The following GABRB1 variants were observed in gnomAD, a reference collection of about 807,000 sequenced individuals.
GABRB1 encodes the protein gamma-aminobutyric acid receptor subunit beta-1.
In GABRB1, 17 loss-of-function variants were observed where a neutral mutation model predicts 51.6. The observed-to-expected ratio is 0.33, with a 90% CI of 0.23 to 0.49. The LOEUF (loss-of-function observed/expected upper bound fraction) is 0.49. GABRB1 is among the 20% of genes least tolerant of loss of function. GABRB1 has a pLI of 0.99. For missense variants in GABRB1, 410 were observed against 600.6 expected, an observed-to-expected ratio of 0.68 and a Z score of 3.32; for synonymous variants, 247 against 218.9, an observed-to-expected ratio of 1.13 and a Z score of -1.14.
intron 3 of GABRB1, among the ~76,000 whole-genome samples, chr4:47,098,119 T>C (rs947952116): frequency 1.3e-5 from 2 of 151,758 alleles, no homozygotes; most frequent in African/African-American, 4.8e-5. Flanking sequence ...CTGACAACTA[T>C]CAAGGTTCCC....
intron 4 of GABRB1, among the ~76,000 whole-genome samples, chr4:47,216,875 G>T: frequency 6.6e-6 from 1 of 151,848 alleles, no homozygotes; most frequent in Non-Finnish European, 1.5e-5. Context: ...TCTCACACAT[G>T]TGTTTGAAAA....
At chr4:47,179,970 C>T (rs1436041416) in intron 4 of GABRB1, among the ~76,000 whole-genome samples, 1 of 152,038 alleles carries the variant, frequency 6.6e-6, no homozygotes, top group Non-Finnish European at 1.5e-5. Context: ...ATTTAGGAGG[C>T]TGAGGCAGTA....
At chr4:47,187,883 C>T (rs1192799559) in intron 4 of GABRB1, among the ~76,000 whole-genome samples, 3 of 151,918 alleles carry the variant, frequency 2.0e-5, no homozygotes, top group African/African-American at 4.8e-5. Context: ...CCCCTTTACC[C>T]GGAAGGCTCT....
chr4:47,198,454 G>A (rs985115124), intron 4 of GABRB1, among the ~76,000 whole-genome samples: 1 of 152,190 alleles, frequency 6.6e-6, no homozygotes, highest in African/African-American at 2.4e-5. Context: ...AGATGTTACA[G>A]ACTGCTGATG....
intron 1 of GABRB1, among the ~76,000 whole-genome samples, chr4:47,013,081 G>C (rs1724627113): frequency 6.6e-6 from 1 of 152,184 alleles, no homozygotes; most frequent in African/African-American, 2.4e-5. Flanking sequence ...CTATAAATTA[G>C]AGTGCAATGA....
At chr4:47,357,430 G>A (rs990566150) in intron 5 of GABRB1, among the ~76,000 whole-genome samples, 12 of 152,170 alleles carry the variant, frequency 7.9e-5, no homozygotes, top group African/African-American at 2.7e-4. Context: ...GCATTCCTGT[G>A]TCTTATCTGT....
At chr4:47,332,758 C>T (rs1725533127) in intron 5 of GABRB1, among the ~76,000 whole-genome samples, 1 of 151,964 alleles carries the variant, frequency 6.6e-6, no homozygotes, top group African/African-American at 2.4e-5. Flanking sequence ...ACTTTAACCT[C>T]CTCTTTTAAT....
At chr4:47,105,848 A>C (rs1451897451) in intron 3 of GABRB1, among the ~76,000 whole-genome samples, 1 of 151,996 alleles carries the variant, frequency 6.6e-6, no homozygotes, top group African/African-American at 2.4e-5. Context: ...ATTTCTCTTG[A>C]GCTGTATTTC....
chr4:47,166,599 G>C (rs900280800), intron 4 of GABRB1, among the ~76,000 whole-genome samples: 38 of 152,088 alleles, frequency 2.5e-4, no homozygotes, highest in African/African-American at 8.7e-4. Flanking sequence ...TTATTAGTAA[G>C]GTGTTATCAG....
intron 3 of GABRB1, among the ~76,000 whole-genome samples, chr4:47,131,562 A>G (rs1716419627): frequency 6.6e-6 from 1 of 152,116 alleles, no homozygotes; most frequent in Non-Finnish European, 1.5e-5. Context: ...CCAAAACTGC[A>G]ATTTTTTTTT....
intron 4 of GABRB1, among the ~76,000 whole-genome samples, chr4:47,274,246 A>G (rs1259355474): frequency 6.6e-6 from 1 of 152,190 alleles, no homozygotes; most frequent in Non-Finnish European, 1.5e-5. Flanking sequence ...TAGGGATTTT[A>G]TGCAGATTAT....
chr4:47,239,417 T>G (rs559193496), intron 4 of GABRB1, among the ~76,000 whole-genome samples: 1 of 152,196 alleles, frequency 6.6e-6, no homozygotes, highest in East Asian at 1.9e-4. Context: ...TAAATAAATT[T>G]GCTTGTGAAT....
At chr4:47,314,402 A>G (rs1429224162) in intron 4 of GABRB1, among the ~76,000 whole-genome samples, 1 of 152,024 alleles carries the variant, frequency 6.6e-6, no homozygotes, top group Non-Finnish European at 1.5e-5. Flanking sequence ...TGTAAAAGCT[A>G]TTGTAATTCA....
chr4:47,386,864 AACAGACCTT>A (rs1397953448), intron 5 of GABRB1, among the ~76,000 whole-genome samples: 1 of 152,198 alleles, frequency 6.6e-6, no homozygotes, highest in South Asian at 2.1e-4. Context: ...AAATAAGTCT[AACAGACCTT>A]ACTTTCTTAT....
intron 4 of GABRB1, among the ~76,000 whole-genome samples, chr4:47,255,279 A>G (rs985628196): frequency 6.6e-6 from 1 of 152,234 alleles, no homozygotes; most frequent in Admixed American, 6.5e-5. Context: ...GTAGTTATTC[A>G]TCATTGTCTG....
chr4:47,088,714 A>T (rs1482924212), intron 3 of GABRB1, among the ~76,000 whole-genome samples: 1 of 152,160 alleles, frequency 6.6e-6, no homozygotes, highest in Admixed American at 6.5e-5. Context: ...AACAAATCAT[A>T]TATCATCCCC....
intron 1 of GABRB1, among the ~76,000 whole-genome samples, chr4:46,999,774 C>T (rs1724123501): frequency 6.6e-6 from 1 of 152,188 alleles, no homozygotes; most frequent in African/African-American, 2.4e-5. Context: ...GCCAATATGA[C>T]TGTTGAAATA....
chr4:47,165,715 C>T (rs925295726), intron 4 of GABRB1, among the ~76,000 whole-genome samples: 1 of 152,050 alleles, frequency 6.6e-6, no homozygotes, highest in Non-Finnish European at 1.5e-5. Context: ...AATATCTAAC[C>T]TCCCAAACCA....
chr4:47,077,959 TATATATATATTTTATATATA>T (rs1435967079), intron 3 of GABRB1, among the ~76,000 whole-genome samples: 7 of 101,968 alleles, frequency 6.9e-5, no homozygotes, highest in South Asian at 3.3e-4. Flanking sequence ...TTATATATTT[TATATATATATTTTATATATA>T]ATATATAATA....
Sources: allele counts gnomAD v4.1 joint callset (sites outside exome capture counted in the v4.1 genomes callset), GRCh38; gene constraint gnomAD v4.1.1; transcripts MANE v1.5; gene names NCBI Gene and HGNC (gene_info 2026-07-23, HGNC 2026-07-21).